PNO1: variants seen among roughly 807,000 people sequenced by gnomAD.
The protein encoded by PNO1 is partner of NOB1 homolog.
Under a neutral mutation model 28.4 loss-of-function variants are expected in PNO1, and 16 were observed. The ratio of observed to expected loss-of-function variants is 0.56; its 90% confidence interval spans 0.38 to 0.85. PNO1 has a LOEUF of 0.85. Among genes scored for constraint, PNO1 ranks in the 40% least tolerant of loss-of-function variants. PNO1 has a pLI of 0.00. For synonymous variants in PNO1, 115 were observed against 110.8 expected, an observed-to-expected ratio of 1.04 and a Z score of -0.24; for missense variants, 304 against 312.2, an observed-to-expected ratio of 0.97 and a Z score of 0.20.
Position 68,175,931 on chromosome 2 carries a change from T to C in PNO1, c.*1129T>C, listed in dbSNP as rs1473333986. On this transcript the variant is annotated 3_prime_UTR_variant, in exon 7 of 7. Transcript: ENST00000263657. ...ATCGTCTAATACAAAGCCTATTTTATAATAAAGTATGTTGAATATCTCATG... is the reference window on the plus strand; with the variant it reads ...ATCGTCTAATACAAAGCCTATTTTACAATAAAGTATGTTGAATATCTCATG... 6.6e-6 allele frequency: 1 copy of C among 152,218 alleles called. No individual in the cohort carries two copies. The highest frequency in any genetic ancestry group is 1.5e-5 in the Non-Finnish European group (1 of 68,030). The allele number at this position is 152,218 out of a possible 1,614,324, so 9.4% of individuals were successfully genotyped here. A position where few individuals can be genotyped will look rare whatever the true frequency, so the allele number is the denominator to read the frequency against.
At chr2:68,172,575 A>G (rs1360920708) in intron 5 of PNO1, among the ~76,000 whole-genome samples, 4 of 152,248 alleles carry the variant, frequency 2.6e-5, no homozygotes, top group African/African-American at 7.2e-5. Context: ...AAAAGGGTCT[A>G]AATGATCCTC....
chr2:68,161,508 G>A (rs957928616), intron 2 of PNO1, 175 bp from the exon 3 acceptor site: 2 of 586,998 alleles, frequency 3.4e-6, no homozygotes. Flanking sequence ...GTTTTGTTTT[G>A]CAAATAAAGT....
At chr2:68,173,740 GC>G (rs1674196079) in intron 6 of PNO1, among the ~76,000 whole-genome samples, 1 of 151,832 alleles carries the variant, frequency 6.6e-6, no homozygotes, top group Admixed American at 6.6e-5. Context: ...CTGCCACCTT[GC>G]CTGGCTAATT....
chr2:68,162,288 G>T lies in PNO1; in HGVS notation c.465G>T (p.Leu155Phe). Residue 155 changes from leucine (L) to phenylalanine (F), a missense_variant, in exon 4 of 7, where the codon TTG becomes TTT. Leu to Phe is a conservative substitution (Grantham distance 22). Coordinates refer to ENST00000263657, the MANE Select transcript of PNO1 (RefSeq NM_020143.4). ...QVEDALALIRLDDLFLESFEI... is the reference protein window; with the variant it reads ...QVEDALALIRFDDLFLESFEI... ...AGGATGCACTTGCCCTCATCAGGTTGGATGACCTCTTCCTAGAGTCTTTTG... is the reference window on the plus strand; with the variant it reads ...AGGATGCACTTGCCCTCATCAGGTTTGATGACCTCTTCCTAGAGTCTTTTG... 6.2e-7 allele frequency: 1 copy of T among 1,613,210 alleles called. No homozygotes were observed. The highest frequency in any genetic ancestry group is 2.2e-5 in the East Asian group (1 of 44,882).
At position 68,171,798 on chromosome 2, in the gene PNO1, A is replaced by C. The variant is rs958049635; in HGVS notation, c.621-1549A>C. Among the ~76,000 whole-genome samples, 7 of 152,020 alleles carry C rather than the reference A, an allele frequency of 4.6e-5. No individual in the cohort carries two copies. The East Asian group carries it at 1.4e-3, about 29-fold the overall frequency. On this transcript the variant is annotated intron_variant, in intron 5 of 6. Coordinates refer to ENST00000263657, the MANE Select transcript of PNO1 (RefSeq NM_020143.4). ...TTGGCTTTTACTCGGAGTGAATAGG[A>C]AGTCATTGGATGATTGTGAGCAGAG...
Position 68,162,273 on chromosome 2 carries a change from T to C in PNO1, c.450T>C (p.Leu150=), listed in dbSNP as rs771533225. 3 of 1,611,906 alleles carry C rather than the reference T, an allele frequency of 1.9e-6. No individual in the cohort carries two copies. Among genetic ancestry groups the C allele is most frequent in the Non-Finnish European group, 2.5e-6 (3 of 1,178,084 alleles). The change falls in exon 4 of 7, where the codon CTT becomes CTC. Residue 150 remains leucine (L), a synonymous_variant. Coordinates refer to ENST00000263657, the MANE Select transcript of PNO1 (RefSeq NM_020143.4). ...FILGFQVEDA[L]ALIRLDDLFL... is the part of the protein sequence containing the mutation. ...TTGTTTTTATATTATAGGATGCACTTGCCCTCATCAGGTTGGATGACCTCT... is the reference window on the plus strand; with the variant it reads ...TTGTTTTTATATTATAGGATGCACTCGCCCTCATCAGGTTGGATGACCTCT...
intron 2 of PNO1, chr2:68,161,467 G>T: frequency 1.9e-6 from 1 of 538,032 alleles, no homozygotes; most frequent in South Asian, 2.0e-5. Context: ...ACACTCTTTG[G>T]GTGGAACAGC....
chr2:68,168,456 A>T (rs140191148), intron 5 of PNO1, among the ~76,000 whole-genome samples: 2 of 152,322 alleles, frequency 1.3e-5, no homozygotes, highest in East Asian at 1.9e-4. Context: ...TTTGTGGAAC[A>T]GAGTGTGGGA....
At chr2:68,162,985 G>GA (rs1159055454) in intron 5 of PNO1, among the ~76,000 whole-genome samples, 2 of 152,126 alleles carry the variant, frequency 1.3e-5, no homozygotes, top group South Asian at 4.1e-4. Flanking sequence ...TACTAAAAAT[G>GA]AAAAACAGAA....
At chr2:68,162,398 C>A in intron 4 of PNO1, 73 bp downstream of exon 4, 3 of 1,211,820 alleles carry the variant, frequency 2.5e-6, no homozygotes, top group Non-Finnish European at 3.6e-6. Flanking sequence ...TTTCTAATAG[C>A]ATCAATTGAG....
chr2:68,163,737 CA>C (rs1673905511), intron 5 of PNO1, among the ~76,000 whole-genome samples: 1 of 151,966 alleles, frequency 6.6e-6, no homozygotes, highest in Non-Finnish European at 1.5e-5. Context: ...GTACATTAGG[CA>C]AAACTAGAGA....
In PNO1 at chr2:68,174,892, C is replaced by A; in HGVS notation, c.*90C>A. 1 of 765,178 alleles carries A rather than the reference C, an allele frequency of 1.3e-6. No homozygotes were observed. Among genetic ancestry groups the A allele is most frequent in the Non-Finnish European group, 2.2e-6 (1 of 449,058 alleles). The allele number at this position is 765,178 out of a possible 1,614,324, so 47.4% of individuals were successfully genotyped here. A position where few individuals can be genotyped will look rare whatever the true frequency, so the allele number is the denominator to read the frequency against. On this transcript the variant is annotated 3_prime_UTR_variant, in exon 7 of 7. Transcript: ENST00000263657. The stretch of plus-strand genomic sequence containing the variant: ...TCACAAGAAACCAGCTGAACAATTT[C>A]AGTCATTTGAAGCCTCCGTCCCTTC...
At chr2:68,162,150 A>AT (rs1386930036) in intron 3 of PNO1, 115 bp from the exon 4 acceptor site, 1 of 803,254 alleles carries the variant, frequency 1.2e-6, no homozygotes, top group Non-Finnish European at 2.0e-6. Context: ...AAGGGAAAAA[A>AT]AAAAGCTTTC....
At chr2:68,161,342 C>A in intron 2 of PNO1, 1 of 475,936 alleles carries the variant, frequency 2.1e-6, no homozygotes, top group Non-Finnish European at 4.3e-6. Flanking sequence ...GGACATTGGG[C>A]ATTGAAGGGA....
At position 68,162,951 on chromosome 2, in the gene PNO1, C is replaced by G. The variant is rs538411701; in HGVS notation, c.620+288C>G. Among the ~76,000 whole-genome samples the G allele has an allele frequency of 2.6e-5, 4 of 152,270 alleles. No individual in the cohort carries two copies. In the South Asian group the frequency reaches 8.3e-4, roughly 32 times the overall value. The stretch of plus-strand genomic sequence containing the variant: ...ATCCGACACAAATTCTACTTTATGA[C>G]AGAGTGTTGAATATTGAATACTGTA... On this transcript the variant is annotated intron_variant, in intron 5 of 6. Transcript: ENST00000263657.
At chr2:68,160,215 C>T (rs934955243) in intron 2 of PNO1, among the ~76,000 whole-genome samples, 9 of 152,050 alleles carry the variant, frequency 5.9e-5, no homozygotes, top group Admixed American at 4.6e-4. Flanking sequence ...ATGATCTACC[C>T]GCCTCTGCCT....
At chr2:68,172,569 G>A (rs1674159112) in intron 5 of PNO1, among the ~76,000 whole-genome samples, 1 of 152,230 alleles carries the variant, frequency 6.6e-6, no homozygotes, top group African/African-American at 2.4e-5. Context: ...CCCATTAAAA[G>A]GGTCTAAATG....
chr2:68,176,047 AAAT>A lies in PNO1; in HGVS notation c.*1250_*1252del, dbSNP rs1674274202. ...CTGAATGAATAATTCTAAAGTTGAA[AAAT>A]AATAGTAAGAACCATCATAAGTCTG... On this transcript the variant is annotated 3_prime_UTR_variant, in exon 7 of 7. Coordinates refer to ENST00000263657, the MANE Select transcript of PNO1 (RefSeq NM_020143.4). 2.0e-5 allele frequency: 3 copies of A among 152,368 alleles called. No individual in the cohort carries two copies. The highest frequency in any genetic ancestry group is 6.5e-5 in the Admixed American group (1 of 15,308). 9.4% of individuals were successfully genotyped at this position (152,368 alleles called of 1,614,324 possible).
chr2:68,159,784 G>T (rs1343883752), intron 2 of PNO1, among the ~76,000 whole-genome samples: 1 of 151,822 alleles, frequency 6.6e-6, no homozygotes, highest in East Asian at 1.9e-4. Context: ...TGTCCCTGTT[G>T]CCATTCTCTC....
Sources: allele counts gnomAD v4.1 joint callset (sites outside exome capture counted in the v4.1 genomes callset), GRCh38; gene constraint gnomAD v4.1.1; transcripts MANE v1.5; gene names NCBI Gene and HGNC (gene_info 2026-07-23, HGNC 2026-07-21).